SHROOM3: variants seen among roughly 807,000 people sequenced by gnomAD.
SHROOM3 encodes the protein shroom family member 3, also known as protein Shroom3.
In SHROOM3, 47 loss-of-function variants were observed where a neutral mutation model predicts 138.6. The observed-to-expected ratio is 0.34, with a 90% CI of 0.27 to 0.43. The LOEUF (loss-of-function observed/expected upper bound fraction) is 0.43. Ranked by LOEUF, SHROOM3 falls within the 20% of genes least tolerant of loss-of-function variation. The pLI, the probability that SHROOM3 is intolerant of heterozygous loss-of-function variation, is 1.00. For missense variants in SHROOM3, 2,491 were observed against 2,596.5 expected (o/e 0.96, Z 0.88); for synonymous variants, 1,062 against 1,063.3 (o/e 1.00, Z 0.02).
chr4:76,656,305 G>C (rs922664176), intron 2 of SHROOM3, among the ~76,000 whole-genome samples: 4 of 152,178 alleles, frequency 2.6e-5, no homozygotes, highest in Non-Finnish European at 5.9e-5. Flanking sequence ...TGGGCAGTAG[G>C]TTATTAATAG....
chr4:76,680,386 G>T (rs907551868), intron 2 of SHROOM3, among the ~76,000 whole-genome samples: 1 of 152,092 alleles, frequency 6.6e-6, no homozygotes, highest in African/African-American at 2.4e-5. Flanking sequence ...CGATCTGCCC[G>T]CCTCGGCCTC....
Position 76,749,033 on chromosome 4 carries a change from A to G in SHROOM3, c.3770A>G (p.Gln1257Arg), listed in dbSNP as rs1249397212. The change falls in exon 6 of 11, where the codon CAA becomes CGA. Residue 1257 changes from glutamine to arginine, a missense_variant. Coordinates refer to ENST00000296043, the MANE Select transcript of SHROOM3 (RefSeq NM_020859.4). ...ADKRQDVLLG[Q>R]DSGFGLVKDP... ...TGTTTCAAGGATGTGCTTTTGGGGCAAGACAGTGGCTTTGGTCTTGTGAAG... is the reference window on the plus strand; with the variant it reads ...TGTTTCAAGGATGTGCTTTTGGGGCGAGACAGTGGCTTTGGTCTTGTGAAG... The G allele has an allele frequency of 6.2e-7, 1 of 1,613,958 alleles. No homozygotes were observed. The highest frequency in any genetic ancestry group is 1.1e-5 in the South Asian group (1 of 91,074).
In SHROOM3 at chr4:76,740,763, G is replaced by A. The variant is rs149009478; in HGVS notation, c.2590G>A (p.Gly864Ser). The change falls in exon 5 of 11, where the codon GGT (glycine) becomes AGT (serine). Residue 864 changes from glycine (G) to serine (S), a missense_variant. This residue lies in a region of SHROOM3 where 1,733 missense variants were observed against 1,661.6 expected (regional missense o/e 1.04). Transcript: ENST00000296043. This position sits in a 1 kb window ranked among gnomAD's most constrained non-coding sequence, Gnocchi z 4.0. ...GGAAGAGGCTTCCCGGCAGCCCTGC[G>A]GTCAGCAGCTGAGCGGAGGAGCGTC... ...KLEEASRQPC[G>S]QQLSGGASDS... 43 of 1,612,808 alleles carry A rather than the reference G, an allele frequency of 2.7e-5. No homozygotes were observed. The highest frequency in any genetic ancestry group is 1.3e-4 in the Admixed American group (8 of 60,008).
intron 2 of SHROOM3, among the ~76,000 whole-genome samples, chr4:76,657,168 A>ACTCTCT (rs369556375): frequency 2.1e-5 from 3 of 143,618 alleles, no homozygotes; most frequent in African/African-American, 5.1e-5. Flanking sequence ...CAAGAGCGAA[A>ACTCTCT]CTCTCTCTCT....
At chr4:76,568,560 G>T (rs1157881441) in intron 2 of SHROOM3, among the ~76,000 whole-genome samples, 2 of 152,136 alleles carry the variant, frequency 1.3e-5, no homozygotes, top group Non-Finnish European at 2.9e-5. Flanking sequence ...TGTGAAATGA[G>T]ATCGACCTAA....
chr4:76,611,250 G>GTC (rs1476337237), intron 2 of SHROOM3, among the ~76,000 whole-genome samples: 3 of 150,420 alleles, frequency 2.0e-5, no homozygotes, highest in Admixed American at 6.6e-5. Context: ...CCCTCTCTCT[G>GTC]TGTCTCTCTC....
chr4:76,766,789 A>G (rs1156377567), intron 9 of SHROOM3, among the ~76,000 whole-genome samples: 1 of 152,202 alleles, frequency 6.6e-6, no homozygotes, highest in African/African-American at 2.4e-5. Context: ...AGGGCTTTTA[A>G]AAAATTCAAA....
chr4:76,540,443 A>G (rs994376142), intron 1 of SHROOM3, among the ~76,000 whole-genome samples: 2 of 152,216 alleles, frequency 1.3e-5, no homozygotes, highest in African/African-American at 4.8e-5. Flanking sequence ...TCTCAATATC[A>G]TAAGTCTAAA....
chr4:76,468,384 T>C (rs1413830691), intron 1 of SHROOM3, among the ~76,000 whole-genome samples: 2 of 152,222 alleles, frequency 1.3e-5, no homozygotes, highest in Non-Finnish European at 2.9e-5. Context: ...CAGTCATGTA[T>C]ATACAAAGAC....
chr4:76,594,618 A>G (rs969781901), intron 2 of SHROOM3, among the ~76,000 whole-genome samples: 5 of 152,246 alleles, frequency 3.3e-5, no homozygotes, highest in African/African-American at 1.2e-4. Context: ...GCACTCATTC[A>G]TAGTTTAATT....
intron 10 of SHROOM3, among the ~76,000 whole-genome samples, chr4:76,775,685 G>A (rs1414566683): frequency 6.7e-6 from 1 of 149,854 alleles, no homozygotes; most frequent in African/African-American, 2.5e-5. Context: ...AAATGTGTGT[G>A]TGTGTATATA....
chr4:76,486,180 A>G (rs553732410), intron 1 of SHROOM3, among the ~76,000 whole-genome samples: 46 of 152,362 alleles, frequency 3.0e-4, no homozygotes, highest in Middle Eastern at 3.4e-3. Flanking sequence ...ATAAGCACAG[A>G]TATTTGCAAT....
At chr4:76,515,238 T>C (rs1035959940) in intron 1 of SHROOM3, among the ~76,000 whole-genome samples, 15 of 144,702 alleles carry the variant, frequency 1.0e-4, no homozygotes, top group African/African-American at 3.6e-4. Context: ...AAAAAAAAAT[T>C]AGCTGGATGT....
At chr4:76,614,102 G>A (rs987396643) in intron 2 of SHROOM3, among the ~76,000 whole-genome samples, 3 of 152,018 alleles carry the variant, frequency 2.0e-5, no homozygotes, top group African/African-American at 7.2e-5. Context: ...CCAGGCTGGA[G>A]TGCAGTGCAG....
intron 1 of SHROOM3, among the ~76,000 whole-genome samples, chr4:76,469,899 G>A (rs908574800): frequency 6.6e-5 from 10 of 152,140 alleles, no homozygotes; most frequent in Non-Finnish European, 1.3e-4. Context: ...TTATAGGAAG[G>A]AAGATTGAGA....
chr4:76,524,110 T>C (rs1431330009), intron 1 of SHROOM3, among the ~76,000 whole-genome samples: 1 of 152,058 alleles, frequency 6.6e-6, no homozygotes, highest in Admixed American at 6.5e-5. Context: ...GTGCAATAGT[T>C]AGCAGGAGGT....
chr4:76,442,566 C>G (rs918798626), intron 1 of SHROOM3, among the ~76,000 whole-genome samples: 5 of 151,986 alleles, frequency 3.3e-5, no homozygotes, highest in African/African-American at 9.7e-5. Flanking sequence ...TCCGCCACCA[C>G]GCACGGCTAA....
chr4:76,691,856 A>C (rs1011233596), intron 2 of SHROOM3, among the ~76,000 whole-genome samples: 1 of 152,178 alleles, frequency 6.6e-6, no homozygotes, highest in Non-Finnish European at 1.5e-5. Context: ...CCTTTGACCA[A>C]AATCAATTAT....
intron 2 of SHROOM3, among the ~76,000 whole-genome samples, chr4:76,658,422 T>C (rs1736113174): frequency 6.6e-6 from 1 of 152,142 alleles, no homozygotes; most frequent in South Asian, 2.1e-4. Flanking sequence ...CTGGTTTCCA[T>C]CTCCATAAAG....
Sources: gnomAD v4.1 joint callset for allele counts (sites outside exome capture counted in the v4.1 genomes callset) on GRCh38, gnomAD v4.1.1 for gene constraint, gnomAD v4.1.1 regional missense constraint, Gnocchi (gnomAD v3.1) non-coding constraint, MANE v1.5 for transcripts, NCBI Gene and HGNC (gene_info 2026-07-23, HGNC 2026-07-21) for gene names.